The following TBC1D32 variants were observed in gnomAD, a reference collection of about 807,000 sequenced individuals.
TBC1D32 encodes TBC1 domain family member 32, also known as protein broad-minded.
A neutral mutation model predicts 170.3 loss-of-function variants in TBC1D32; 151 were observed. That is an observed-to-expected ratio of 0.89 (90% CI 0.78 to 1.01). TBC1D32 has a LOEUF of 1.01. TBC1D32 is among the 50% of genes least tolerant of loss of function. The probability of loss-of-function intolerance (pLI) is 0.00; values close to 1 mark genes in which losing one functional copy is unlikely to be tolerated. For synonymous variants in TBC1D32, 498 were observed against 488.0 expected, an observed-to-expected ratio of 1.02 and a Z score of -0.27; for missense variants, 1,464 against 1,457.1, an observed-to-expected ratio of 1.00 and a Z score of -0.08.
intron 22 of TBC1D32, among the ~76,000 whole-genome samples, chr6:121,187,387 T>C (rs1212095982): frequency 1.3e-5 from 2 of 152,136 alleles, no homozygotes; most frequent in Admixed American, 1.3e-4. Flanking sequence ...TCTACTTTCA[T>C]CTGCATTCTC....
chr6:121,128,867 A>G (rs1014882163), intron 25 of TBC1D32, among the ~76,000 whole-genome samples: 3 of 152,098 alleles, frequency 2.0e-5, no homozygotes, highest in Non-Finnish European at 4.4e-5. Flanking sequence ...TACATATCCA[A>G]ACAGATAGTA....
At chr6:121,181,157 C>G (rs1167785275) in intron 22 of TBC1D32, among the ~76,000 whole-genome samples, 1 of 152,000 alleles carries the variant, frequency 6.6e-6, no homozygotes, top group Non-Finnish European at 1.5e-5. Context: ...TAAAGTAGAA[C>G]AGCCATTAGG....
chr6:121,280,426 G>GATACTGAGTGTCCACT (rs1802820465), intron 14 of TBC1D32, among the ~76,000 whole-genome samples: 1 of 151,740 alleles, frequency 6.6e-6, no homozygotes, highest in Admixed American at 6.6e-5. Flanking sequence ...TCTTAAACTA[G>GATACTGAGTGTCCACT]ATACTGAGTG....
chr6:121,308,781 C>T (rs1807744227), intron 4 of TBC1D32, among the ~76,000 whole-genome samples: 1 of 143,278 alleles, frequency 7.0e-6, no homozygotes, highest in Non-Finnish European at 1.5e-5. Flanking sequence ...CTGCAGAAAG[C>T]TTACTTCTTA....
At chr6:121,112,940 A>G in intron 28 of TBC1D32, 122 bp downstream of exon 28, 1 of 731,584 alleles carries the variant, frequency 1.4e-6, no homozygotes, top group Admixed American at 3.1e-5. Context: ...ATATATCATA[A>G]CAAATCACTA....
chr6:121,104,454 A>T (rs1017090210), intron 30 of TBC1D32, among the ~76,000 whole-genome samples: 9 of 151,786 alleles, frequency 5.9e-5, no homozygotes, highest in African/African-American at 2.2e-4. Flanking sequence ...AACATGCTGG[A>T]TAAATTCTCA....
At chr6:121,200,908 G>C (rs1296986207) in intron 22 of TBC1D32, among the ~76,000 whole-genome samples, 1 of 151,352 alleles carries the variant, frequency 6.6e-6, no homozygotes, top group East Asian at 1.9e-4. Context: ...CGGAGCATTA[G>C]TTCAGGCTAA....
At chr6:121,287,584 G>C (rs1583578070) in intron 12 of TBC1D32, among the ~76,000 whole-genome samples, 2 of 152,208 alleles carry the variant, frequency 1.3e-5, no homozygotes, top group South Asian at 2.1e-4. Flanking sequence ...GTCAACATTA[G>C]ATGGATCAAC....
At chr6:121,192,896 C>G (rs1358851777) in intron 22 of TBC1D32, among the ~76,000 whole-genome samples, 1 of 152,174 alleles carries the variant, frequency 6.6e-6, no homozygotes, top group Non-Finnish European at 1.5e-5. Flanking sequence ...ATGGCCTCCC[C>G]TGAGACAGTT....
intron 30 of TBC1D32, among the ~76,000 whole-genome samples, chr6:121,093,519 A>G (rs1392611080): frequency 6.6e-6 from 1 of 152,098 alleles, no homozygotes. Context: ...AAATAAATAC[A>G]AACGATCTCC....
intron 25 of TBC1D32, among the ~76,000 whole-genome samples, chr6:121,128,277 G>C (rs145463551): frequency 6.6e-6 from 1 of 152,104 alleles, no homozygotes; most frequent in African/African-American, 2.4e-5. Flanking sequence ...GGGATAGGCT[G>C]TACTCATGTA....
At chr6:121,084,632 C>T (rs2085342113) in intron 31 of TBC1D32, among the ~76,000 whole-genome samples, 1 of 152,004 alleles carries the variant, frequency 6.6e-6, no homozygotes, top group African/African-American at 2.4e-5. Context: ...AAAGCTATAC[C>T]AATACCTTGA....
chr6:121,303,706 G>T lies in TBC1D32; in HGVS notation c.991C>A (p.Gln331Lys). Reference sequence around the variant, plus strand: ...ATCTTTTGTGAGACAACATGGCTTTGATTATGTTTAACTGTTAACAAGGAC... The same window carrying T: ...ATCTTTTGTGAGACAACATGGCTTTTATTATGTTTAACTGTTAACAAGGAC... ...TLSLLTVKHN[Q>K]SHVVSQKILD... is the part of the protein sequence containing the mutation. The change falls in exon 9 of 32, where the codon CAA becomes AAA. Residue 331 changes from glutamine to lysine, a missense_variant. Coordinates refer to ENST00000398212, the MANE Select transcript of TBC1D32 (RefSeq NM_152730.6). The T allele has an allele frequency of 6.3e-7, 1 of 1,595,462 alleles. No homozygotes were observed. Among genetic ancestry groups the T allele is most frequent in the South Asian group, 1.1e-5 (1 of 88,130 alleles).
At chr6:121,256,352 A>G in intron 15 of TBC1D32, 67 bp from the exon 16 acceptor site, 1 of 1,385,746 alleles carries the variant, frequency 7.2e-7, no homozygotes, top group Non-Finnish European at 9.8e-7. Flanking sequence ...GCTCTACCAA[A>G]AAGGCTAGTC....
chr6:121,225,208 T>C (rs1794930353), intron 20 of TBC1D32, among the ~76,000 whole-genome samples: 1 of 152,048 alleles, frequency 6.6e-6, no homozygotes, highest in African/African-American at 2.4e-5. Context: ...GGCTATTAAC[T>C]AGAAAGATGA....
intron 24 of TBC1D32, among the ~76,000 whole-genome samples, chr6:121,133,845 G>C (rs1781718213): frequency 6.6e-6 from 1 of 151,910 alleles, no homozygotes; most frequent in Admixed American, 6.6e-5. Flanking sequence ...TTCACAAATA[G>C]CCTCTGTCAG....
At chr6:121,310,122 G>A (rs553528757) in intron 4 of TBC1D32, among the ~76,000 whole-genome samples, 1 of 151,884 alleles carries the variant, frequency 6.6e-6, no homozygotes, top group Non-Finnish European at 1.5e-5. Context: ...GGTAACTGCT[G>A]GTCAAAGGAT....
intron 10 of TBC1D32, 100 bp from the exon 11 acceptor site, chr6:121,294,760 T>G: frequency 1.1e-6 from 1 of 951,888 alleles, no homozygotes. Flanking sequence ...TGGAGAAATA[T>G]TTGAGAAAAA....
At chr6:121,120,849 T>G (rs1780181518) in intron 26 of TBC1D32, among the ~76,000 whole-genome samples, 1 of 151,942 alleles carries the variant, frequency 6.6e-6, no homozygotes. Context: ...ATCTTGTATT[T>G]TCTTCTCATT....
Sources: gnomAD v4.1 joint callset for allele counts (sites outside exome capture counted in the v4.1 genomes callset) on GRCh38, gnomAD v4.1.1 for gene constraint, MANE v1.5 for transcripts, NCBI Gene and HGNC (gene_info 2026-07-23, HGNC 2026-07-21) for gene names.